The following MSS51 variants were observed in gnomAD, a reference collection of about 807,000 sequenced individuals.
The protein encoded by MSS51 is putative protein MSS51 homolog, mitochondrial.
MSS51 carries 32 observed loss-of-function variants against 40.2 expected under a neutral mutation model. That is an observed-to-expected ratio of 0.80 (90% CI 0.60 to 1.07). MSS51 has a LOEUF of 1.07. MSS51 is among the 50% of genes least tolerant of loss of function. The pLI is 0.00. For synonymous variants in MSS51, 178 were observed against 214.2 expected (o/e 0.83, Z 1.48); for missense variants, 518 against 568.9 (o/e 0.91, Z 0.91).
At chr10:73,431,254 C>T (rs1473284752) in intron 1 of MSS51, among the ~76,000 whole-genome samples, 1 of 152,090 alleles carries the variant, frequency 6.6e-6, no homozygotes, top group Admixed American at 6.6e-5. Flanking sequence ...CATTTAATTG[C>T]TCACTTTAAA....
At chr10:73,428,013 T>C in intron 2 of MSS51, 51 bp downstream of exon 2, 1 of 1,554,948 alleles carries the variant, frequency 6.4e-7, no homozygotes, top group East Asian at 2.3e-5. Flanking sequence ...CTTCTGAAAT[T>C]TACTTCTACC....
At chr10:73,430,282 T>C (rs143485065) in intron 1 of MSS51, among the ~76,000 whole-genome samples, 2 of 152,220 alleles carry the variant, frequency 1.3e-5, no homozygotes, top group South Asian at 2.1e-4. Flanking sequence ...TTAAAAACTT[T>C]TGTGCATCAA....
chr10:73,433,181 C>T (rs1267614239), intron 1 of MSS51, among the ~76,000 whole-genome samples: 2 of 152,060 alleles, frequency 1.3e-5, no homozygotes, highest in African/African-American at 4.8e-5. Context: ...ACCTAGGTTT[C>T]CCATCTTCTT....
chr10:73,428,310 T>G lies in MSS51; in HGVS notation c.-17-9A>C, dbSNP rs755578904. ...GGCCTGTCCAGTGATACCTGGAGAT[T>G]ATATGCAGAATAGACATGGAATGGA... On this transcript the variant is annotated splice_polypyrimidine_tract_variant and intron_variant, in intron 1 of 6. Transcript: ENST00000299432. 1.6e-5 allele frequency: 25 copies of G among 1,570,426 alleles called. No individual in the cohort carries two copies. Among genetic ancestry groups the G allele is most frequent in the Non-Finnish European group, 2.0e-5 (23 of 1,153,882 alleles).
chr10:73,424,299 CCCAGGAGGCGGAGGCTGCAG>C lies in MSS51; in HGVS notation c.*234_*253del, dbSNP rs1176387315. 10 of 398,856 alleles carry C rather than the reference CCCAGGAGGCGGAGGCTGCAG, an allele frequency of 2.5e-5. No individual in the cohort carries two copies. The highest frequency in any genetic ancestry group is 2.0e-4 in the African/African-American group (10 of 49,204). 24.7% of individuals were successfully genotyped at this position (398,856 alleles called of 1,614,324 possible). A position where few individuals can be genotyped will look rare whatever the true frequency, so the allele number is the denominator to read the frequency against. ...GGCTGAGGCAGGAGAACCACTTGAA[CCCAGGAGGCGGAGGCTGCAG>C]TGAGTCGAGATCATGCCGCTGCACT... is the stretch of plus-strand genomic sequence containing the variant. On this transcript the variant is annotated 3_prime_UTR_variant, in exon 7 of 7. Coordinates refer to ENST00000299432, the MANE Select transcript of MSS51 (RefSeq NM_001024593.2).
At chr10:73,426,437 T>C (rs1438939961) in intron 4 of MSS51, 60 bp from the exon 5 acceptor site, 14 of 1,576,444 alleles carry the variant, frequency 8.9e-6, no homozygotes, top group Non-Finnish European at 1.1e-5. Flanking sequence ...AATTTCCCCC[T>C]CACTAATGAT....
At chr10:73,426,866 C>G in intron 3 of MSS51, 135 bp from the exon 4 acceptor site, 2 of 963,108 alleles carry the variant, frequency 2.1e-6, no homozygotes, top group Non-Finnish European at 3.1e-6. Context: ...GCTGATGCAC[C>G]AATTTTGGGG....
At chr10:73,425,727 G>T in intron 5 of MSS51, 84 bp downstream of exon 5, 47 of 1,119,690 alleles carry the variant, frequency 4.2e-5, no homozygotes, top group Non-Finnish European at 5.2e-5. Context: ...GAGACCAAAT[G>T]AATGGGGTTC....
intron 1 of MSS51, 57 bp from the exon 2 acceptor site, chr10:73,428,358 G>T: frequency 7.6e-7 from 1 of 1,324,020 alleles, no homozygotes; most frequent in Non-Finnish European, 1.0e-6. Flanking sequence ...GGACACTTGT[G>T]AAGTATTTTC....
intron 3 of MSS51, among the ~76,000 whole-genome samples, chr10:73,427,158 C>T (rs1163139148): frequency 6.6e-6 from 1 of 151,616 alleles, no homozygotes; most frequent in African/African-American, 2.4e-5. Context: ...AGGATTAGAA[C>T]ACTGTTCTAA....
Position 73,428,237 on chromosome 10 carries a change from T to G in MSS51, c.48A>C (p.Ser16=). The part of the protein sequence containing the change: ...RRRRHKKPPS[S]VAPIIMAPTT... ...TTGGGGCCATGATGATGGGAGCCACTGATGAGGGAGGTTTCTTGTGCCTTC... is the reference window on the plus strand; with the variant it reads ...TTGGGGCCATGATGATGGGAGCCACGGATGAGGGAGGTTTCTTGTGCCTTC... Residue 16 remains serine (S), a synonymous_variant, in exon 2 of 7, where the codon TCA becomes TCC. Transcript: ENST00000299432. 11 of 1,614,010 alleles carry G rather than the reference T, an allele frequency of 6.8e-6. No individual in the cohort carries two copies. The highest frequency in any genetic ancestry group is 9.3e-6 in the Non-Finnish European group (11 of 1,179,966).
chr10:73,430,527 A>ATAG (rs1351305530), intron 1 of MSS51, among the ~76,000 whole-genome samples: 2 of 152,180 alleles, frequency 1.3e-5, no homozygotes, highest in African/African-American at 4.8e-5. Context: ...AATATGCTCA[A>ATAG]TAGTCATTAG....
chr10:73,430,477 T>C (rs1430829100), intron 1 of MSS51, among the ~76,000 whole-genome samples: 1 of 152,144 alleles, frequency 6.6e-6, no homozygotes, highest in Admixed American at 6.5e-5. Context: ...AATAGGCATT[T>C]TCCCAAAGAA....
chr10:73,426,607 C>G lies in MSS51; in HGVS notation c.502G>C (p.Gly168Arg), dbSNP rs766090564. 1.9e-6 allele frequency: 3 copies of G among 1,614,184 alleles called. No homozygotes were observed. The highest frequency in any genetic ancestry group is 2.5e-6 in the Non-Finnish European group (3 of 1,180,032). Residue 168 changes from glycine (G) to arginine (R), a missense_variant and splice_region_variant, in exon 4 of 7, where the codon GGT (glycine) becomes CGT (arginine). Gly to Arg is a moderately radical substitution (Grantham distance 125). Coordinates refer to ENST00000299432, the MANE Select transcript of MSS51 (RefSeq NM_001024593.2). Reference sequence around the variant, plus strand: ...GAGATCCTCAACACCACCACTCCACCTGTGACCAGAAGCCATTCCATGAGA... The same window carrying G: ...GAGATCCTCAACACCACCACTCCACGTGTGACCAGAAGCCATTCCATGAGA... ...DRLMEWLLVT[G>R]DFVLPSGPWP...
intron 1 of MSS51, among the ~76,000 whole-genome samples, chr10:73,433,144 C>T (rs2056041419): frequency 6.6e-6 from 1 of 152,086 alleles, no homozygotes; most frequent in South Asian, 2.1e-4. Flanking sequence ...TGTCCAAATT[C>T]AAGACAAAAT....
chr10:73,433,103 C>T (rs2056041014), intron 1 of MSS51, among the ~76,000 whole-genome samples: 1 of 152,112 alleles, frequency 6.6e-6, no homozygotes, highest in Non-Finnish European at 1.5e-5. Context: ...GAGACATGAT[C>T]TTGATTGCCT....
intron 1 of MSS51, among the ~76,000 whole-genome samples, chr10:73,429,876 A>G (rs1480531887): frequency 1.3e-5 from 2 of 152,076 alleles, no homozygotes; most frequent in Admixed American, 1.3e-4. Flanking sequence ...TCCAACCAGA[A>G]AAGTGCAACT....
chr10:73,431,158 T>C (rs1805832240), intron 1 of MSS51, among the ~76,000 whole-genome samples: 1 of 152,114 alleles, frequency 6.6e-6, no homozygotes, highest in African/African-American at 2.4e-5. Context: ...TGCTTAATGG[T>C]TATGGGGTCT....
chr10:73,432,370 CT>C (rs1005116074), intron 1 of MSS51, among the ~76,000 whole-genome samples: 169 of 146,460 alleles, frequency 1.2e-3, no homozygotes, highest in African/African-American at 2.5e-3. Flanking sequence ...GAAAGAATGA[CT>C]TTTTTTTTTT....
Sources: gnomAD v4.1 joint callset for allele counts (sites outside exome capture counted in the v4.1 genomes callset) on GRCh38, gnomAD v4.1.1 for gene constraint, MANE v1.5 for transcripts, NCBI Gene and HGNC (gene_info 2026-07-23, HGNC 2026-07-21) for gene names.